Variants in ERICH3 observed in about 807,000 individuals in gnomAD.
ERICH3 encodes glutamate-rich protein 3.
ERICH3 carries 126 observed loss-of-function variants against 131.1 expected under a neutral mutation model. That is an observed-to-expected ratio of 0.96 (90% confidence interval 0.83 to 1.11). The LOEUF (loss-of-function observed/expected upper bound fraction) is 1.11. ERICH3 is among the 50% of genes most tolerant of loss of function. ERICH3 has a pLI of 0.00. For synonymous variants in ERICH3, 695 were observed against 644.6 expected (o/e 1.08, Z -1.18); for missense variants, 2,050 against 1,810.7 (o/e 1.13, Z -2.40).
At chr1:74,632,487 T>G (rs1646349617) in intron 6 of ERICH3, among the ~76,000 whole-genome samples, 1 of 151,938 alleles carries the variant, frequency 6.6e-6, no homozygotes, top group African/African-American at 2.4e-5. Context: ...GAAATTCTAG[T>G]GGTAGGAATA....
At position 74,631,798 on chromosome 1, in the gene ERICH3, G is replaced by T; in HGVS notation, c.734C>A (p.Thr245Lys). The part of the protein sequence containing the change: ...PPPLPPTGKI[T>K]RENRSETWRR... ...CCATGTTTCAGATCTATTTTCTCTT[G>T]TGATTTTCCCAGTTGGGGGAAGTGG... Residue 245 changes from threonine to lysine, a missense_variant, in exon 7 of 15, where the codon ACA becomes AAA. By Grantham distance (78) the Thr-to-Lys change is moderately conservative. Coordinates refer to ENST00000326665, the MANE Select transcript of ERICH3 (RefSeq NM_001002912.5). The T allele has an allele frequency of 6.2e-7, 1 of 1,613,564 alleles. No homozygotes were observed. Among genetic ancestry groups the T allele is most frequent in the Non-Finnish European group, 8.5e-7 (1 of 1,179,658 alleles).
Position 74,590,341 on chromosome 1 carries a change from T to C in ERICH3, c.1727-261A>G, listed in dbSNP as rs978225250. ...TGATTCAAGTGCATTACATTTATTG[T>C]GCACGTTATTTCCATTATTATTACA... is the stretch of plus-strand genomic sequence containing the variant. On this transcript the variant is annotated intron_variant, in intron 11 of 14. Coordinates refer to ENST00000326665, the MANE Select transcript of ERICH3 (RefSeq NM_001002912.5). Among the ~76,000 whole-genome samples, 4 of 152,286 alleles carry C rather than the reference T, an allele frequency of 2.6e-5. 1 individual carries two copies. In the South Asian group the frequency reaches 8.3e-4, roughly 32 times the overall value.
At chr1:74,613,066 T>A (rs1362608579) in intron 8 of ERICH3, among the ~76,000 whole-genome samples, 1 of 152,078 alleles carries the variant, frequency 6.6e-6, no homozygotes, top group Non-Finnish European at 1.5e-5. Flanking sequence ...TTGAAGAAAG[T>A]TTTCAAATTT....
At chr1:74,626,786 C>A (rs566224938) in intron 7 of ERICH3, among the ~76,000 whole-genome samples, 1 of 152,208 alleles carries the variant, frequency 6.6e-6, no homozygotes, top group African/African-American at 2.4e-5. Context: ...CAGGACAAAG[C>A]AACAGAGTCC....
chr1:74,636,537 G>T, intron 5 of ERICH3, 99 bp from the exon 6 acceptor site: 2 of 1,165,664 alleles, frequency 1.7e-6, no homozygotes, highest in Non-Finnish European at 2.4e-6. Flanking sequence ...AATTAATGGT[G>T]CCTTTTTACT....
intron 8 of ERICH3, among the ~76,000 whole-genome samples, chr1:74,617,151 T>C (rs1409814997): frequency 2.2e-5 from 2 of 89,730 alleles, no homozygotes; most frequent in African/African-American, 1.0e-4. Flanking sequence ...GGTAAGTTAC[T>C]AAAAAAAACA....
chr1:74,634,721 C>T (rs778609401), intron 6 of ERICH3: 13 of 704,514 alleles, frequency 1.8e-5, no homozygotes, highest in East Asian at 1.6e-4. Flanking sequence ...GGAAATCCTA[C>T]TCATTGGACT....
At chr1:74,597,631 C>A (rs749983103) in intron 11 of ERICH3, among the ~76,000 whole-genome samples, 1 of 151,854 alleles carries the variant, frequency 6.6e-6, no homozygotes, top group Non-Finnish European at 1.5e-5. Flanking sequence ...GATATCATGG[C>A]ACTAACCGAA....
chr1:74,641,565 T>A lies in ERICH3; in HGVS notation c.316-106A>T. 1.4e-5 allele frequency: 18 copies of A among 1,318,210 alleles called. No individual in the cohort carries two copies. The South Asian group carries it at 2.3e-4, about 17-fold the overall frequency. The allele number at this position is 1,318,210 out of a possible 1,614,324, so 81.7% of individuals were successfully genotyped here. A position where few individuals can be genotyped will look rare whatever the true frequency, so the allele number is the denominator to read the frequency against. ...ATATGACTAAAGAAATTCTTTCTCATTTCTTCCAAGAGTTACTTTTGTTAA... is the reference window on the plus strand; with the variant it reads ...ATATGACTAAAGAAATTCTTTCTCAATTCTTCCAAGAGTTACTTTTGTTAA... On this transcript the variant is annotated intron_variant, in intron 4 of 14. Transcript: ENST00000326665.
intron 1 of ERICH3, among the ~76,000 whole-genome samples, chr1:74,657,653 G>A (rs1160896610): frequency 6.6e-6 from 1 of 152,114 alleles, no homozygotes; most frequent in East Asian, 1.9e-4. Flanking sequence ...ATGGTTTGAA[G>A]TGACTAGTAA....
chr1:74,673,549 C>A lies in ERICH3; in HGVS notation c.-30G>T. ...GCAGGATCCCTTTTGGACCCCGCGG[C>A]AGGTGCGGAGGGTGGGTGCGTGGGG... On this transcript the variant is annotated 5_prime_UTR_variant, in exon 1 of 15. Transcript: ENST00000326665. 6.2e-7 allele frequency: 1 copy of A among 1,609,608 alleles called. No homozygotes were observed. The highest frequency in any genetic ancestry group is 8.5e-7 in the Non-Finnish European group (1 of 1,178,324).
At chr1:74,620,965 A>G (rs1350488702) in intron 7 of ERICH3, 51 bp from the exon 8 acceptor site, 1 of 1,384,954 alleles carries the variant, frequency 7.2e-7, no homozygotes, top group Non-Finnish European at 9.7e-7. Context: ...TTCTAATGAG[A>G]GTTCTTACCT....
chr1:74,577,554 A>T (rs915236087), intron 12 of ERICH3: 3 of 152,230 alleles, frequency 2.0e-5, no homozygotes, highest in Admixed American at 2.0e-4. Context: ...ATTTCACATC[A>T]TTTAAATAAG....
chr1:74,600,622 G>A (rs956490690), intron 10 of ERICH3, among the ~76,000 whole-genome samples: 1 of 151,710 alleles, frequency 6.6e-6, no homozygotes, highest in South Asian at 2.1e-4. Flanking sequence ...CCCTGCAGAG[G>A]TGCTATAAAT....
intron 1 of ERICH3, among the ~76,000 whole-genome samples, chr1:74,651,464 T>A (rs1298113850): frequency 1.3e-5 from 2 of 152,136 alleles, no homozygotes; most frequent in African/African-American, 4.8e-5. Context: ...AACCATCTTT[T>A]AAATGAACTG....
At chr1:74,581,878 A>G (rs1462375896) in intron 12 of ERICH3, among the ~76,000 whole-genome samples, 1 of 152,188 alleles carries the variant, frequency 6.6e-6, no homozygotes, top group African/African-American at 2.4e-5. Context: ...ATAGTTTCCA[A>G]TTCCAATTCA....
chr1:74,569,277 G>A lies in ERICH3; in HGVS notation c.*1181C>T, dbSNP rs775039644. ...AAAGGGTTGAGTCATTTATAAAAGCGTCCCATGAAAATCTAATGTATATTC... is the reference window on the plus strand; with the variant it reads ...AAAGGGTTGAGTCATTTATAAAAGCATCCCATGAAAATCTAATGTATATTC... On this transcript the variant is annotated 3_prime_UTR_variant, in exon 15 of 15. Coordinates refer to ENST00000326665, the MANE Select transcript of ERICH3 (RefSeq NM_001002912.5). The A allele has an allele frequency of 3.3e-5, 5 of 151,962 alleles. No individual in the cohort carries two copies. The East Asian group carries it at 5.8e-4, about 18-fold the overall frequency. The allele number at this position is 151,962 out of a possible 1,614,324, so 9.4% of individuals were successfully genotyped here. A position where few individuals can be genotyped will look rare whatever the true frequency, so the allele number is the denominator to read the frequency against.
intron 7 of ERICH3, chr1:74,625,830 G>A (rs751802093): frequency 4.6e-5 from 7 of 152,114 alleles, no homozygotes; most frequent in Non-Finnish European, 8.8e-5. Context: ...GTAGCAGTAA[G>A]GATGAAAAAG....
intron 10 of ERICH3, among the ~76,000 whole-genome samples, chr1:74,603,245 A>C (rs1648229725): frequency 6.6e-6 from 1 of 151,832 alleles, no homozygotes; most frequent in Admixed American, 6.6e-5. Flanking sequence ...ACAACCATTT[A>C]GTGGGTAGGC....
Sources: gnomAD v4.1 joint callset for allele counts (sites outside exome capture counted in the v4.1 genomes callset) on GRCh38, gnomAD v4.1.1 for gene constraint, MANE v1.5 for transcripts, NCBI Gene and HGNC (gene_info 2026-07-23, HGNC 2026-07-21) for gene names.